The following KIAA0319L variants were observed in gnomAD, a reference collection of about 807,000 sequenced individuals.
KIAA0319L encodes KIAA0319 like.
KIAA0319L carries 55 observed loss-of-function variants against 120.1 expected under a neutral mutation model. The ratio of observed to expected loss-of-function variants is 0.46; its 90% CI spans 0.37 to 0.57. The LOEUF is 0.57. Among genes scored for constraint, KIAA0319L ranks in the 20% least tolerant of loss-of-function variants. The pLI, the probability that KIAA0319L is intolerant of heterozygous loss-of-function variation, is 0.00. For synonymous variants in KIAA0319L, 398 were observed against 471.9 expected (o/e 0.84, Z 2.03); for missense variants, 1,049 against 1,255.3 (o/e 0.84, Z 2.48).
intron 2 of KIAA0319L, among the ~76,000 whole-genome samples, chr1:35,539,263 A>C (rs990636173): frequency 1.1e-4 from 16 of 152,238 alleles, no homozygotes; most frequent in African/African-American, 3.9e-4. Flanking sequence ...GGGAACGGAA[A>C]GGAGGGTATG....
At position 35,529,998 on chromosome 1, in the gene KIAA0319L, T is replaced by A. The variant is rs551206215; in HGVS notation, c.143-22863A>T. On this transcript the variant is annotated intron_variant, in intron 2 of 20. Transcript: ENST00000325722. ...GTCACAATGCCTTTTTTTTTTTTTTTAATCTAACTGGGTTATTTTTAAAGA... is the reference window on the plus strand; with the variant it reads ...GTCACAATGCCTTTTTTTTTTTTTTAAATCTAACTGGGTTATTTTTAAAGA... 3.1e-3 allele frequency among the ~76,000 whole-genome samples: 463 copies of A among 151,348 alleles called. 3 individuals carry two copies. Among genetic ancestry groups the A allele is most frequent in the African/African-American group, 9.8e-3 (402 of 41,160 alleles).
intron 3 of KIAA0319L, among the ~76,000 whole-genome samples, chr1:35,482,740 T>G (rs1644226970): frequency 6.6e-6 from 1 of 152,158 alleles, no homozygotes; most frequent in African/African-American, 2.4e-5. Flanking sequence ...CTACAAGTCT[T>G]TGTATGGACA....
intron 16 of KIAA0319L, among the ~76,000 whole-genome samples, chr1:35,444,855 T>C (rs1473792210): frequency 2.6e-5 from 4 of 152,204 alleles, no homozygotes; most frequent in Non-Finnish European, 5.9e-5. Context: ...TCTTACACTG[T>C]AGTATGGCTG....
intron 2 of KIAA0319L, among the ~76,000 whole-genome samples, chr1:35,518,152 A>G (rs1645757987): frequency 6.6e-6 from 1 of 152,218 alleles, no homozygotes; most frequent in South Asian, 2.1e-4. Context: ...TGCGGAAAGC[A>G]GTATGGCAAT....
rs1644029370 is a variant in KIAA0319L, at chr1:35,479,027, G to A, written c.852C>T (p.Ser284=). ...QIAVPQPVAP[S]YSYATPTPQA... is the part of the protein sequence containing the mutation. The stretch of plus-strand genomic sequence containing the variant: ...GGGGGGTAGGGGTAGCATAACTGTA[G>A]GAGGGAGCCACTGGCTGGGGGACAG... The change falls in exon 4 of 21, where the codon TCC becomes TCT. Residue 284 remains serine (S), a synonymous_variant. Coordinates refer to ENST00000325722, the MANE Select transcript of KIAA0319L (RefSeq NM_024874.5). The A allele has an allele frequency of 6.2e-7, 1 of 1,614,164 alleles. No homozygotes were observed. Among genetic ancestry groups the A allele is most frequent in the South Asian group, 1.1e-5 (1 of 91,082 alleles).
At chr1:35,539,199 C>A (rs1037591158) in intron 2 of KIAA0319L, among the ~76,000 whole-genome samples, 3 of 152,174 alleles carry the variant, frequency 2.0e-5, no homozygotes, top group African/African-American at 7.2e-5. Context: ...AAGGTAGCAA[C>A]CCCCACATGA....
chr1:35,552,476 G>A (rs1647301961), intron 2 of KIAA0319L, among the ~76,000 whole-genome samples: 1 of 152,290 alleles, frequency 6.6e-6, no homozygotes, highest in South Asian at 2.1e-4. Flanking sequence ...TTCTTGCTGT[G>A]TGACCTTGGC....
chr1:35,534,722 G>T (rs1463309249), intron 2 of KIAA0319L, among the ~76,000 whole-genome samples: 1 of 151,794 alleles, frequency 6.6e-6, no homozygotes, highest in East Asian at 1.9e-4. Context: ...AGCCGGGCGT[G>T]GTGGCAGGCA....
intron 2 of KIAA0319L, among the ~76,000 whole-genome samples, chr1:35,520,944 C>T (rs1393358503): frequency 1.3e-5 from 2 of 152,140 alleles, no homozygotes; most frequent in Admixed American, 6.5e-5. Flanking sequence ...TACAAATAAA[C>T]TAGCACTATG....
chr1:35,456,694 C>A (rs980828977), intron 9 of KIAA0319L, among the ~76,000 whole-genome samples: 2 of 151,884 alleles, frequency 1.3e-5, no homozygotes, highest in East Asian at 1.9e-4. Context: ...GGCCTATAAT[C>A]CAGCTACTTG....
chr1:35,487,525 C>G (rs186402346), intron 3 of KIAA0319L, among the ~76,000 whole-genome samples: 1 of 152,112 alleles, frequency 6.6e-6, no homozygotes, highest in African/African-American at 2.4e-5. Context: ...AAAGTGCTGG[C>G]GTAAGGCACC....
intron 3 of KIAA0319L, among the ~76,000 whole-genome samples, chr1:35,487,938 T>C (rs1389686820): frequency 6.6e-6 from 1 of 152,146 alleles, no homozygotes; most frequent in African/African-American, 2.4e-5. Context: ...CACAGTCAGG[T>C]TATGGGGGTC....
intron 2 of KIAA0319L, chr1:35,511,065 A>C (rs541941451): frequency 6.6e-6 from 1 of 152,416 alleles, no homozygotes; most frequent in South Asian, 2.1e-4. Context: ...ATTAGTCATC[A>C]AAGATTTCAT....
chr1:35,477,457 G>A (rs1245927959), intron 4 of KIAA0319L, among the ~76,000 whole-genome samples: 1 of 152,132 alleles, frequency 6.6e-6, no homozygotes, highest in Non-Finnish European at 1.5e-5. Context: ...CACAAGGTCA[G>A]GAGATCGAGA....
chr1:35,454,409 G>A lies in KIAA0319L; in HGVS notation c.1733C>T (p.Thr578Ile). ...DYTYQLTVTD[T>I]IGQQATAQVT... ...TTGAGCAGTGGCCTGCTGTCCTATT[G>A]TGTCAGTCACTGTGAGCTGGTAAGT... Residue 578 changes from threonine to isoleucine, a missense_variant, in exon 11 of 21, where the codon ACA becomes ATA. Physicochemically the swap from Thr to Ile is moderately conservative, Grantham distance 89. Coordinates refer to ENST00000325722, the MANE Select transcript of KIAA0319L (RefSeq NM_024874.5). The A allele has an allele frequency of 6.2e-7, 1 of 1,614,148 alleles. No homozygotes were observed. Among genetic ancestry groups the A allele is most frequent in the Non-Finnish European group, 8.5e-7 (1 of 1,179,982 alleles).
chr1:35,449,974 A>G lies in KIAA0319L; in HGVS notation c.2246T>C (p.Ile749Thr), dbSNP rs1318399034. 6.2e-7 allele frequency: 1 copy of G among 1,614,042 alleles called. No individual in the cohort carries two copies. The highest frequency in any genetic ancestry group is 2.2e-5 in the East Asian group (1 of 44,896). Residue 749 changes from isoleucine to threonine, a missense_variant, in exon 15 of 21, where the codon ATC becomes ACC. Physicochemically the swap from Ile to Thr is moderately conservative, Grantham distance 89. Coordinates refer to ENST00000325722, the MANE Select transcript of KIAA0319L (RefSeq NM_024874.5). ...CTCAACCAGGTTTGAAAGAAAAAGG[A>G]TAGGGTGATGGTCAGAGTGATTTAA... ...EVLNHSDHHP[I>T]LFLSNLVEGT...
At chr1:35,511,566 C>T (rs541353178) in intron 2 of KIAA0319L, 3 of 152,046 alleles carry the variant, frequency 2.0e-5, no homozygotes, top group South Asian at 2.1e-4. Flanking sequence ...CCCATCTCTA[C>T]AAAAGATAAA....
chr1:35,543,104 T>C (rs1646851987), intron 2 of KIAA0319L, among the ~76,000 whole-genome samples: 1 of 152,248 alleles, frequency 6.6e-6, no homozygotes, highest in Non-Finnish European at 1.5e-5. Flanking sequence ...GACACAGTGA[T>C]TTAATTTCAC....
At chr1:35,487,395 A>G (rs1035207976) in intron 3 of KIAA0319L, among the ~76,000 whole-genome samples, 12 of 152,018 alleles carry the variant, frequency 7.9e-5, no homozygotes, top group Admixed American at 2.0e-4. Context: ...GCTGGAATTA[A>G]AGGCATGCAC....
Sources: allele counts gnomAD v4.1 joint callset (sites outside exome capture counted in the v4.1 genomes callset), GRCh38; gene constraint gnomAD v4.1.1; transcripts MANE v1.5; gene names NCBI Gene and HGNC (gene_info 2026-07-23, HGNC 2026-07-21).